Variants in PRDM8 observed in about 807,000 individuals in gnomAD.
PRDM8 encodes the protein PR/SET domain 8, also known as PR domain zinc finger protein 8.
A neutral mutation model predicts 46.5 loss-of-function variants in PRDM8; 13 were observed. The observed-to-expected ratio is 0.28, with a 90% CI of 0.18 to 0.44. PRDM8 has a LOEUF of 0.44. PRDM8 is among the 20% of genes least tolerant of loss of function. The pLI is 1.00. For synonymous variants in PRDM8, 473 were observed against 438.4 expected, an observed-to-expected ratio of 1.08 and a Z score of -0.98; for missense variants, 998 against 955.0, an observed-to-expected ratio of 1.04 and a Z score of -0.59.
At position 80,197,608 on chromosome 4, in the gene PRDM8, C is replaced by G; in HGVS notation, c.-158C>G. On this transcript the variant is annotated 5_prime_UTR_variant, in exon 1 of 4. Transcript: ENST00000415738. ...TCTTTTTCTCCCCATCTCTCCATCT[C>G]TCTCTTATCTCTTCAGGAAGAGCCT... is the stretch of plus-strand genomic sequence containing the variant. 1 of 970,512 alleles carries G rather than the reference C, an allele frequency of 1.0e-6. No homozygotes were observed. Among genetic ancestry groups the G allele is most frequent in the Non-Finnish European group, 1.2e-6 (1 of 819,056 alleles). The allele number at this position is 970,512 out of a possible 1,614,324, so 60.1% of individuals were successfully genotyped here. A position where few individuals can be genotyped will look rare whatever the true frequency, so the allele number is the denominator to read the frequency against.
chr4:80,192,269 T>G (rs952087034), intron 2 of PRDM8, among the ~76,000 whole-genome samples: 1 of 152,154 alleles, frequency 6.6e-6, no homozygotes, highest in Non-Finnish European at 1.5e-5. Context: ...ATATGCTGTG[T>G]GTCTATCGTT....
intron 1 of PRDM8, among the ~76,000 whole-genome samples, chr4:80,187,179 A>G (rs1195289669): frequency 6.7e-6 from 1 of 150,118 alleles, no homozygotes; most frequent in African/African-American, 2.5e-5. Flanking sequence ...TAGTCAGGGT[A>G]GTGGACTAAG....
chr4:80,188,889 C>T (rs899852014), intron 1 of PRDM8, among the ~76,000 whole-genome samples: 7 of 152,234 alleles, frequency 4.6e-5, no homozygotes, highest in African/African-American at 1.4e-4. Context: ...AGCCAGCGTG[C>T]GGGCGCTGGG....
chr4:80,200,280 C>A lies in PRDM8; in HGVS notation c.200C>A (p.Thr67Lys). Reference protein sequence around the residue: ...FIALKSTDKRTVPYIFRVDTS... With the variant: ...FIALKSTDKRKVPYIFRVDTS... ...GCTCTCAAGTCTACTGACAAGAGAA[C>A]AGTACCGTATATCTTTCGGGTAAGT... The change falls in exon 2 of 4, where the codon ACA becomes AAA. Residue 67 changes from threonine (T) to lysine (K), a missense_variant. Coordinates refer to ENST00000415738, the MANE Select transcript of PRDM8 (RefSeq NM_001099403.2). 1.2e-6 allele frequency: 2 copies of A among 1,613,410 alleles called. No individual in the cohort carries two copies. The highest frequency in any genetic ancestry group is 1.7e-6 in the Non-Finnish European group (2 of 1,179,446).
chr4:80,195,809 G>C (rs1483813641), upstream of PRDM8, among the ~76,000 whole-genome samples: 5 of 151,834 alleles, frequency 3.3e-5, no homozygotes, highest in Non-Finnish European at 7.4e-5. Context: ...GAATATATGG[G>C]GATTTTGCAG....
chr4:80,195,278 C>G (rs1423281716), upstream of PRDM8, among the ~76,000 whole-genome samples: 1 of 152,160 alleles, frequency 6.6e-6, no homozygotes, highest in Non-Finnish European at 1.5e-5. Context: ...CCACATGACT[C>G]TCTTATGGCT....
intron 2 of PRDM8, among the ~76,000 whole-genome samples, chr4:80,200,987 AGGG>A (rs1388468264): frequency 6.6e-6 from 1 of 152,256 alleles, no homozygotes; most frequent in African/African-American, 2.4e-5. Context: ...TAAACTCTCA[AGGG>A]GTTAACACTA....
upstream of PRDM8, among the ~76,000 whole-genome samples, chr4:80,195,445 T>C (rs531315967): frequency 3.9e-5 from 6 of 152,310 alleles, no homozygotes; most frequent in East Asian, 1.2e-3. Context: ...TTCACATTTC[T>C]AATGCTTCCA....
chr4:80,195,902 TAC>T (rs71662895), upstream of PRDM8: 541 of 149,258 alleles, frequency 3.6e-3, 1 homozygote, highest in Non-Finnish European at 5.9e-3. Flanking sequence ...GAGAAGGAAA[TAC>T]ACACACACAC....
In PRDM8 at chr4:80,202,412, C is replaced by G; in HGVS notation, c.950C>G (p.Pro317Arg). ...GGCGGCAAAGGAAAGAGGAAATTCC[C>G]GGAGGAGGCGGCGGAGGGCGGCGGT... ...TGGGKGKRKF[P>R]EEAAEGGGGA... is the part of the protein sequence containing the mutation. The change falls in exon 4 of 4, where the codon CCG becomes CGG. Residue 317 changes from proline to arginine, a missense_variant. Coordinates refer to ENST00000415738, the MANE Select transcript of PRDM8 (RefSeq NM_001099403.2). 1.9e-6 allele frequency: 3 copies of G among 1,556,498 alleles called. No homozygotes were observed. In the South Asian group the frequency reaches 3.5e-5, roughly 18 times the overall value.
chr4:80,194,197 AT>A, upstream of PRDM8: 6 of 982,556 alleles, frequency 6.1e-6, no homozygotes, highest in Non-Finnish European at 7.3e-6. Context: ...CTACATGTGT[AT>A]TTTTGCCAGG....
chr4:80,200,224 T>C lies in PRDM8; in HGVS notation c.144T>C (p.His48=). 6.2e-7 allele frequency: 1 copy of C among 1,614,160 alleles called. No individual in the cohort carries two copies. The highest frequency in any genetic ancestry group is 8.5e-7 in the Non-Finnish European group (1 of 1,180,000). ...TATTTGGTCCCTGTGTCCTGAGCCA[T>C]ACTTCCCTATATGACAGCATAGCTT... ...NAIFGPCVLS[H]TSLYDSIAFI... Residue 48 remains histidine (H), a synonymous_variant, in exon 2 of 4, where the codon CAT becomes CAC. Transcript: ENST00000415738.
rs1292430585 is a variant in PRDM8, at chr4:80,199,215, G to C, written c.-2-864G>C. Among the ~76,000 whole-genome samples, 3 of 152,006 alleles carry C rather than the reference G, an allele frequency of 2.0e-5. No homozygotes were observed. The East Asian group carries it at 5.8e-4, about 29-fold the overall frequency. ...GGGTAGGGGGAGTGAAAATTTACCA[G>C]TCATTACACACAGTATTTCAGACTG... On this transcript the variant is annotated intron_variant, in intron 1 of 3. Coordinates refer to ENST00000415738, the MANE Select transcript of PRDM8 (RefSeq NM_001099403.2).
chr4:80,198,608 C>G (rs1379850924), intron 1 of PRDM8, among the ~76,000 whole-genome samples: 1 of 151,956 alleles, frequency 6.6e-6, no homozygotes. Context: ...AGATACAGCC[C>G]AACACTTGAC....
At chr4:80,198,142 G>T (rs904748336) in intron 1 of PRDM8, among the ~76,000 whole-genome samples, 14 of 152,248 alleles carry the variant, frequency 9.2e-5, no homozygotes, top group Non-Finnish European at 1.6e-4. Flanking sequence ...GACCGCACGC[G>T]GGCGGGCGCT....
upstream of PRDM8, chr4:80,196,037 G>A: frequency 1.0e-6 from 1 of 984,630 alleles, no homozygotes; most frequent in Non-Finnish European, 1.2e-6. Flanking sequence ...GGCCTCCTGG[G>A]ACTGCAGTCA....
chr4:80,199,713 G>A (rs924526573), intron 1 of PRDM8, among the ~76,000 whole-genome samples: 2 of 132,504 alleles, frequency 1.5e-5, no homozygotes, highest in Non-Finnish European at 3.2e-5. Flanking sequence ...ATATATATGT[G>A]TGTGTGTGTG....
upstream of PRDM8, among the ~76,000 whole-genome samples, chr4:80,194,847 C>T (rs1289198041): frequency 4.6e-5 from 7 of 152,158 alleles, no homozygotes; most frequent in African/African-American, 1.2e-4. Flanking sequence ...ATAAAATTGT[C>T]GCTGTTTTCT....
rs1553905032 is a variant in PRDM8 at position 80,199,737 on chromosome 4, G to GTGTA, written c.-2-341_-2-340insGTAT. Among the ~76,000 whole-genome samples the GTGTA allele has an allele frequency of 8.7e-4, 123 of 140,578 alleles. 1 individual carries two copies. Among genetic ancestry groups the GTGTA allele is most frequent in the East Asian group, 5.4e-3 (25 of 4,626 alleles). The allele number at this position is 140,578 out of a possible 152,430, so 92.2% of individuals were successfully genotyped here. On this transcript the variant is annotated intron_variant, in intron 1 of 3. Transcript: ENST00000415738. ...TGTGTGTGTGTGTGTGTGTGTGTGT[G>GTGTA]TACATATATATATAATTCTGCCTGG...
Sources: allele counts gnomAD v4.1 joint callset (sites outside exome capture counted in the v4.1 genomes callset), GRCh38; gene constraint gnomAD v4.1.1; transcripts MANE v1.5; gene names NCBI Gene and HGNC (gene_info 2026-07-23, HGNC 2026-07-21).